PHYKPL: variants seen among roughly 807,000 people sequenced by gnomAD.
PHYKPL encodes the protein 5-phosphonooxy-L-lysine phospho-lyase.
Under a neutral mutation model 51.3 loss-of-function variants are expected in PHYKPL, and 42 were observed. That is an observed-to-expected ratio of 0.82 (90% confidence interval 0.64 to 1.06). PHYKPL has a LOEUF of 1.06. PHYKPL is among the 50% of genes least tolerant of loss of function. The pLI is 0.00. For missense variants in PHYKPL, 655 were observed against 586.6 expected (o/e 1.12, Z -1.20); for synonymous variants, 264 against 236.0 (o/e 1.12, Z -1.09).
At chr5:178,217,986 G>A (rs1468241227) in intron 8 of PHYKPL, among the ~76,000 whole-genome samples, 3 of 150,532 alleles carry the variant, frequency 2.0e-5, no homozygotes, top group African/African-American at 7.4e-5. Context: ...GGGAGGCCGA[G>A]ACGGGCGGAT....
intron 8 of PHYKPL, chr5:178,215,653 C>A: frequency 1.8e-6 from 1 of 555,192 alleles, no homozygotes; most frequent in Non-Finnish European, 3.1e-6. Flanking sequence ...GGTCAGGTAT[C>A]CCTGAAGTAC....
intron 8 of PHYKPL, among the ~76,000 whole-genome samples, chr5:178,220,250 G>A (rs1415575512): frequency 6.7e-6 from 1 of 148,670 alleles, no homozygotes; most frequent in Non-Finnish European, 1.5e-5. Flanking sequence ...TGTAATCCCA[G>A]TGCTTTGGGA....
rs546436193 is a variant in PHYKPL, at chr5:178,211,747, T to C, written c.*31+143A>G. On this transcript the variant is annotated intron_variant, in intron 12 of 12. Transcript: ENST00000308158. ...GCTAAGCATTGGAGAATTTCCAGTG[T>C]TGAAGAAACTAACCTTTGGGAAGGA... 4 of 617,668 alleles carry C rather than the reference T, an allele frequency of 6.5e-6. No individual in the cohort carries two copies. In the African/African-American group the frequency reaches 7.4e-5, roughly 11 times the overall value. 38.3% of individuals were successfully genotyped at this position (617,668 alleles called of 1,614,324 possible).
At chr5:178,224,363 G>T (rs1319889261) in intron 6 of PHYKPL, 85 bp downstream of exon 6, 3 of 1,381,084 alleles carry the variant, frequency 2.2e-6, no homozygotes, top group South Asian at 2.8e-5. Context: ...TTTTCTCTCT[G>T]GGTTCCCAGC....
chr5:178,226,782 G>A (rs963227738), intron 3 of PHYKPL: 7 of 152,146 alleles, frequency 4.6e-5, no homozygotes, highest in Admixed American at 1.3e-4. Context: ...AGGGCAGGAG[G>A]TTAGAGTGAT....
intron 2 of PHYKPL, among the ~76,000 whole-genome samples, chr5:178,231,138 G>A (rs1763311455): frequency 6.6e-6 from 1 of 152,176 alleles, no homozygotes; most frequent in Admixed American, 6.5e-5. Flanking sequence ...TCACAGCTGG[G>A]CCATCTGCCA....
Position 178,222,355 on chromosome 5 carries a change from C to G in PHYKPL, c.927G>C (p.Thr309=). The G allele has an allele frequency of 6.2e-7, 1 of 1,607,074 alleles. No individual in the cohort carries two copies. The part of the protein sequence containing the change: ...FEATGVEYFN[T]FGGSPVSCAV... ...CCCTTGACTTAGAGCCATCACTCACCGTGTTGAAGTACTCAACGCCGGTGG... is the reference window on the plus strand; with the variant it reads ...CCCTTGACTTAGAGCCATCACTCACGGTGTTGAAGTACTCAACGCCGGTGG... Residue 309 remains threonine (T), a splice_region_variant and synonymous_variant, in exon 8 of 13, where the codon ACG becomes ACC. Transcript: ENST00000308158.
intron 8 of PHYKPL, among the ~76,000 whole-genome samples, chr5:178,221,762 C>T (rs1455777996): frequency 6.6e-6 from 1 of 152,170 alleles, no homozygotes; most frequent in African/African-American, 2.4e-5. Context: ...CACCAGAGAT[C>T]TTTCCAAAGA....
chr5:178,209,288 AG>A (rs1486334793), intron 12 of PHYKPL: 3 of 1,511,276 alleles, frequency 2.0e-6, no homozygotes, highest in Admixed American at 3.3e-5. Context: ...CACTGCCCTG[AG>A]TTTGTCCTAC....
At chr5:178,212,829 C>A in intron 11 of PHYKPL, 144 bp downstream of exon 11, 1 of 1,169,988 alleles carries the variant, frequency 8.5e-7, no homozygotes. Flanking sequence ...CATGAAAGAC[C>A]CTCTCTTGCT....
rs143975727 is a variant in PHYKPL, at chr5:178,217,704, A to G, written c.928-2274T>C. ...AAACCCCGTCTGTACTAAAAATACA[A>G]AAGATTAGCTGGGCATCATGGCGGG... On this transcript the variant is annotated intron_variant, in intron 8 of 12. Transcript: ENST00000308158. Among the ~76,000 whole-genome samples, 1,223 of 151,008 alleles carry G rather than the reference A, an allele frequency of 8.1e-3. 24 individuals carry two copies. Among genetic ancestry groups the G allele is most frequent in the African/African-American group, 0.028 (1,159 of 41,104 alleles).
At position 178,230,086 on chromosome 5, in the gene PHYKPL, G is replaced by C. The variant is rs750230333; in HGVS notation, c.192C>G (p.His64Gln). The stretch of plus-strand genomic sequence containing the variant: ...CATGTGCTGCTTGGACCACGAGAGG[G>C]TGGCAGTGCCCAACTGGAAGAGGGC... The part of the protein sequence containing the change: ...ISNVAHVGHC[H>Q]PLVVQAAHEQ... Residue 64 changes from histidine to glutamine, a missense_variant, in exon 3 of 13, where the codon CAC (histidine) becomes CAG (glutamine). Coordinates refer to ENST00000308158, the MANE Select transcript of PHYKPL (RefSeq NM_153373.4). 5.6e-6 allele frequency: 9 copies of C among 1,613,894 alleles called. No individual in the cohort carries two copies. Among genetic ancestry groups the C allele is most frequent in the Non-Finnish European group, 5.9e-6 (7 of 1,180,024 alleles).
chr5:178,222,274 C>T, intron 8 of PHYKPL, 81 bp downstream of exon 8: 2 of 1,276,886 alleles, frequency 1.6e-6, no homozygotes, highest in Admixed American at 4.4e-5. Flanking sequence ...AGCCCTGTAG[C>T]CTTTGCTGAC....
chr5:178,221,486 TCC>T, intron 8 of PHYKPL, among the ~76,000 whole-genome samples: 1 of 152,258 alleles, frequency 6.6e-6, no homozygotes, highest in South Asian at 2.1e-4. Context: ...GACAGTGAGC[TCC>T]TCTGAGGCTC....
chr5:178,207,617 A>C (rs1757131680), downstream of PHYKPL, among the ~76,000 whole-genome samples: 1 of 150,780 alleles, frequency 6.6e-6, no homozygotes, highest in African/African-American at 2.4e-5. Flanking sequence ...TCTGTGGTGA[A>C]GTTTTTCTTA....
Position 178,224,583 on chromosome 5 carries a change from C to T in PHYKPL, c.502-19G>A. 6.2e-7 allele frequency: 1 copy of T among 1,614,092 alleles called. No individual in the cohort carries two copies. The highest frequency in any genetic ancestry group is 8.5e-7 in the Non-Finnish European group (1 of 1,179,894). On this transcript the variant is annotated intron_variant, in intron 5 of 12. Transcript: ENST00000308158. ...GAGGTGCCTGTGGGGAGTGACAGCGCCATGTTATCCGGGCTTGGGGACAGG... is the reference window on the plus strand; with the variant it reads ...GAGGTGCCTGTGGGGAGTGACAGCGTCATGTTATCCGGGCTTGGGGACAGG...
chr5:178,225,232 T>C (rs967763618), intron 4 of PHYKPL, 123 bp downstream of exon 4: 2 of 1,135,298 alleles, frequency 1.8e-6, no homozygotes, highest in African/African-American at 1.6e-5. Flanking sequence ...CCTGCCACAC[T>C]TGTCTTCAGT....
intron 12 of PHYKPL, chr5:178,210,540 T>G (rs11956521): frequency 5.6e-6 from 9 of 1,613,404 alleles, no homozygotes; most frequent in Non-Finnish European, 6.8e-6. Flanking sequence ...GCTATGGTTG[T>G]TCTCGTCCCT....
intron 12 of PHYKPL, chr5:178,210,121 T>TC (rs1554103711): frequency 3.1e-6 from 5 of 1,613,522 alleles, no homozygotes; most frequent in Non-Finnish European, 3.4e-6. Context: ...TGTGCCCTGC[T>TC]CCCCCCACAG....
Sources: gnomAD v4.1 joint callset for allele counts (sites outside exome capture counted in the v4.1 genomes callset) on GRCh38, gnomAD v4.1.1 for gene constraint, MANE v1.5 for transcripts, NCBI Gene and HGNC (gene_info 2026-07-23, HGNC 2026-07-21) for gene names.